FANCC: variants seen among roughly 807,000 people sequenced by gnomAD.
The protein encoded by FANCC is FA complementation group C, also known as Fanconi anemia group C protein.
Under a neutral mutation model 71.3 loss-of-function variants are expected in FANCC, and 55 were observed. That is an observed-to-expected ratio of 0.77 (90% CI 0.62 to 0.97). FANCC has a LOEUF of 0.97. FANCC is among the 50% of genes least tolerant of loss of function. The probability of loss-of-function intolerance (pLI) is 0.00; values close to 1 mark genes in which losing one functional copy is unlikely to be tolerated. For missense variants in FANCC, 678 were observed against 670.9 expected (o/e 1.01, Z -0.12); for synonymous variants, 275 against 244.9 (o/e 1.12, Z -1.15).
At chr9:95,232,263 A>T (rs1447502419) in intron 4 of FANCC, among the ~76,000 whole-genome samples, 6 of 152,014 alleles carry the variant, frequency 3.9e-5, no homozygotes, top group Admixed American at 6.6e-5. Context: ...TGATACAATC[A>T]CCTCCCACCA....
At chr9:95,310,039 C>A (rs1588451342) in intron 1 of FANCC, among the ~76,000 whole-genome samples, 1 of 151,870 alleles carries the variant, frequency 6.6e-6, no homozygotes, top group Admixed American at 6.6e-5. Flanking sequence ...GCATTAAATG[C>A]CCCTGCTGCA....
intron 4 of FANCC, among the ~76,000 whole-genome samples, chr9:95,232,094 A>C (rs1169143066): frequency 6.6e-6 from 1 of 152,216 alleles, no homozygotes; most frequent in Non-Finnish European, 1.5e-5. Flanking sequence ...GGAAACTTAC[A>C]ATCATGGTGG....
rs921065588 is a variant in FANCC, at chr9:95,314,928, G to C, written c.-79+2598C>G. Among the ~76,000 whole-genome samples the C allele has an allele frequency of 2.6e-5, 4 of 151,746 alleles. No individual in the cohort carries two copies. In the East Asian group the frequency reaches 7.7e-4, roughly 29 times the overall value. On this transcript the variant is annotated intron_variant, in intron 1 of 14. Coordinates refer to ENST00000289081, the MANE Select transcript of FANCC (RefSeq NM_000136.3). ...ATTCCTACAAAGTCTATCACAGCAC[G>C]GTTTTCTGAAAAAAAATAACAAACT...
At chr9:95,141,990 T>TG (rs1828793544) in intron 7 of FANCC, among the ~76,000 whole-genome samples, 5 of 137,210 alleles carry the variant, frequency 3.6e-5, no homozygotes, top group Admixed American at 2.2e-4. Flanking sequence ...GTGGGGTTTT[T>TG]TTTTTTTTTT....
intron 6 of FANCC, among the ~76,000 whole-genome samples, chr9:95,158,434 A>G (rs1468125356): frequency 6.6e-6 from 1 of 152,196 alleles, no homozygotes; most frequent in African/African-American, 2.4e-5. Flanking sequence ...AAGAAGCGGT[A>G]GAGAACAGGA....
intron 1 of FANCC, among the ~76,000 whole-genome samples, chr9:95,255,485 G>A (rs964302782): frequency 1.3e-5 from 2 of 152,110 alleles, no homozygotes; most frequent in African/African-American, 2.4e-5. Context: ...CTAACAAACA[G>A]AAAGGAATAG....
intron 4 of FANCC, among the ~76,000 whole-genome samples, chr9:95,224,740 G>GT: frequency 6.6e-6 from 1 of 152,178 alleles, no homozygotes; most frequent in South Asian, 2.1e-4. Flanking sequence ...AGGAATGAGG[G>GT]TAAGTAATTT....
chr9:95,303,711 C>T (rs1381158396), intron 1 of FANCC, among the ~76,000 whole-genome samples: 1 of 152,100 alleles, frequency 6.6e-6, no homozygotes, highest in Non-Finnish European at 1.5e-5. Context: ...ACCAATCCTA[C>T]CAGATTAGGA....
intron 4 of FANCC, among the ~76,000 whole-genome samples, chr9:95,224,039 T>C (rs1829454945): frequency 6.6e-6 from 1 of 152,186 alleles, no homozygotes; most frequent in African/African-American, 2.4e-5. Flanking sequence ...ACCTTAACTT[T>C]TCTCACATTT....
At chr9:95,142,787 A>G (rs1416361937) in intron 7 of FANCC, among the ~76,000 whole-genome samples, 1 of 152,192 alleles carries the variant, frequency 6.6e-6, no homozygotes, top group South Asian at 2.1e-4. Context: ...TAGAGTGGTC[A>G]GAGACTCGTA....
At chr9:95,293,266 G>A in intron 1 of FANCC, 1 of 1,613,526 alleles carries the variant, frequency 6.2e-7, no homozygotes, top group Non-Finnish European at 8.5e-7. Context: ...CCGTGATGCA[G>A]TTTTCTCTCA....
chr9:95,112,664 G>A (rs959526413), intron 12 of FANCC, among the ~76,000 whole-genome samples: 33 of 152,224 alleles, frequency 2.2e-4, no homozygotes, highest in Admixed American at 9.2e-4. Flanking sequence ...GATGCACAGA[G>A]CAGTGAGGCT....
chr9:95,117,231 T>C, intron 11 of FANCC, 84 bp downstream of exon 11: 1 of 1,183,254 alleles, frequency 8.5e-7, no homozygotes, highest in Non-Finnish European at 1.3e-6. Flanking sequence ...ATGCTGTAGA[T>C]AAGGGCCTGA....
At chr9:95,231,173 C>T (rs1588320708) in intron 4 of FANCC, among the ~76,000 whole-genome samples, 1 of 152,212 alleles carries the variant, frequency 6.6e-6, no homozygotes, top group African/African-American at 2.4e-5. Context: ...ATACCAAATA[C>T]TATTTTAGAC....
At chr9:95,144,870 C>A (rs1199057448) in intron 7 of FANCC, among the ~76,000 whole-genome samples, 1 of 152,172 alleles carries the variant, frequency 6.6e-6, no homozygotes, top group Non-Finnish European at 1.5e-5. Context: ...ACGTTCACAA[C>A]GCCCTTTACT....
At chr9:95,306,192 G>A (rs552574537) in intron 1 of FANCC, among the ~76,000 whole-genome samples, 21 of 152,274 alleles carry the variant, frequency 1.4e-4, no homozygotes, top group African/African-American at 4.1e-4. Context: ...TTATGGTATT[G>A]GTTACAGAAG....
chr9:95,307,389 G>C (rs1180672617), intron 1 of FANCC, among the ~76,000 whole-genome samples: 3 of 151,970 alleles, frequency 2.0e-5, no homozygotes, highest in African/African-American at 7.3e-5. Context: ...AAAATCAACA[G>C]AACAAAAAGC....
chr9:95,122,385 T>C (rs879456438), intron 10 of FANCC, among the ~76,000 whole-genome samples: 1 of 152,096 alleles, frequency 6.6e-6, no homozygotes, highest in Non-Finnish European at 1.5e-5. Flanking sequence ...GGTCAAAAGA[T>C]GTAGATGGCC....
chr9:95,150,193 G>T, intron 6 of FANCC, 106 bp from the exon 7 acceptor site: 2 of 1,160,024 alleles, frequency 1.7e-6, no homozygotes, highest in Non-Finnish European at 2.5e-6. Flanking sequence ...CACCTGTTTT[G>T]CCTCTAAATA....
Sources: allele counts gnomAD v4.1 joint callset (sites outside exome capture counted in the v4.1 genomes callset), GRCh38; gene constraint gnomAD v4.1.1; transcripts MANE v1.5; gene names NCBI Gene and HGNC (gene_info 2026-07-23, HGNC 2026-07-21).